Variants in ATXN10 observed in about 807,000 individuals in gnomAD.
The protein encoded by ATXN10 is ataxin 10, also known as ataxin-10.
ATXN10 carries 28 observed loss-of-function variants against 52.9 expected under a neutral mutation model. The ratio of observed to expected loss-of-function variants is 0.53; its 90% CI spans 0.39 to 0.73. The LOEUF (loss-of-function observed/expected upper bound fraction) is 0.73, where lower values mean the gene tolerates loss of function less well. Ranked by LOEUF, ATXN10 falls within the 30% of genes least tolerant of loss-of-function variation. The probability of loss-of-function intolerance (pLI) is 0.00; values close to 1 mark genes in which losing one functional copy is unlikely to be tolerated. For synonymous variants in ATXN10, 226 were observed against 221.5 expected (o/e 1.02, Z -0.18); for missense variants, 565 against 577.0 (o/e 0.98, Z 0.21).
chr22:45,689,627 A>G lies in ATXN10; in HGVS notation c.117-85A>G, dbSNP rs571182326. On this transcript the variant is annotated intron_variant, in intron 1 of 11. Coordinates refer to ENST00000252934, the MANE Select transcript of ATXN10 (RefSeq NM_013236.4). ...TAAACGTAGCGTACCTCCCCACAATAGTAGATAAAAGCAGTTTTCTGAATA... is the reference window on the plus strand; with the variant it reads ...TAAACGTAGCGTACCTCCCCACAATGGTAGATAAAAGCAGTTTTCTGAATA... The G allele has an allele frequency of 5.7e-5, 68 of 1,191,940 alleles. No homozygotes were observed. In the African/African-American group the frequency reaches 1.0e-3, roughly 18 times the overall value. 73.8% of individuals were successfully genotyped at this position (1,191,940 alleles called of 1,614,324 possible).
rs201467336 is a variant in ATXN10, at chr22:45,689,902, A to G, written c.307A>G (p.Arg103Gly). ...GTGTTCTGTGAACCAGAATTCAATC[A>G]GGTAGTTACACACGTACCTTGGATT... ...IECSVNQNSI[R>G]NLDTIGVAVD... is the part of the protein sequence containing the mutation. Residue 103 changes from arginine to glycine, a missense_variant and splice_region_variant, in exon 2 of 12, where the codon AGG becomes GGG. By Grantham distance (125) the Arg-to-Gly change is moderately radical. Coordinates refer to ENST00000252934, the MANE Select transcript of ATXN10 (RefSeq NM_013236.4). 145 of 1,613,856 alleles carry G rather than the reference A, an allele frequency of 9.0e-5. No individual in the cohort carries two copies. The highest frequency in any genetic ancestry group is 1.2e-5 in the Non-Finnish European group (14 of 1,179,858).
chr22:45,830,188 CCTTA>C (rs1370730967), intron 10 of ATXN10, among the ~76,000 whole-genome samples: 1 of 152,068 alleles, frequency 6.6e-6, no homozygotes, highest in East Asian at 1.9e-4. Flanking sequence ...GAAACTGAAC[CCTTA>C]CTTAACGTCA....
chr22:45,711,034 A>G (rs10483229), intron 5 of ATXN10, among the ~76,000 whole-genome samples: 13,149 of 152,190 alleles, frequency 0.086, 703 homozygotes, highest in Middle Eastern at 0.16. Flanking sequence ...TACATCAGCA[A>G]TCTATTCCTG....
chr22:45,745,801 G>A (rs995775326), intron 9 of ATXN10, among the ~76,000 whole-genome samples: 4 of 152,118 alleles, frequency 2.6e-5, no homozygotes, highest in Non-Finnish European at 5.9e-5. Context: ...AATGTTGAAT[G>A]TTTACTACAT....
intron 9 of ATXN10, among the ~76,000 whole-genome samples, chr22:45,764,287 C>A (rs1926507106): frequency 6.6e-6 from 1 of 151,884 alleles, no homozygotes. Flanking sequence ...AGGCCCAGAC[C>A]TCTCAGATTC....
intron 10 of ATXN10, among the ~76,000 whole-genome samples, chr22:45,830,883 G>A (rs1255361728): frequency 6.6e-6 from 1 of 152,180 alleles, no homozygotes; most frequent in Non-Finnish European, 1.5e-5. Flanking sequence ...AAAGAATTGA[G>A]AGTAGTGTCT....
intron 10 of ATXN10, among the ~76,000 whole-genome samples, chr22:45,834,368 C>T (rs1462542063): frequency 6.6e-6 from 1 of 152,190 alleles, no homozygotes; most frequent in Non-Finnish European, 1.5e-5. Context: ...TCCATTGACT[C>T]CCATTCATAA....
At position 45,766,062 on chromosome 22, in the gene ATXN10, A is replaced by G. The variant is rs900372408; in HGVS notation, c.1173+25524A>G. Among the ~76,000 whole-genome samples the G allele has an allele frequency of 6.6e-6, 1 of 152,230 alleles. No homozygotes were observed. The highest frequency in any genetic ancestry group is 2.1e-4 in the South Asian group (1 of 4,834). Reference sequence around the variant, plus strand: ...TGGGGCACAGTAGAAAAATGCAGAAATAGATTCAAATGTTTTTGGAAATGT... The same window carrying G: ...TGGGGCACAGTAGAAAAATGCAGAAGTAGATTCAAATGTTTTTGGAAATGT... On this transcript the variant is annotated intron_variant, in intron 9 of 11. Transcript: ENST00000252934. The surrounding 1 kb of genome is among the most constrained non-coding windows in gnomAD (Gnocchi z 4.6).
intron 9 of ATXN10, among the ~76,000 whole-genome samples, chr22:45,751,740 G>GAAAA (rs200364242): frequency 4.4e-5 from 2 of 45,496 alleles, no homozygotes; most frequent in South Asian, 6.4e-4. Flanking sequence ...CCTTTTTCTG[G>GAAAA]AAAAAAAAAA....
At chr22:45,707,485 G>A (rs1415687248) in intron 5 of ATXN10, among the ~76,000 whole-genome samples, 3 of 151,804 alleles carry the variant, frequency 2.0e-5, no homozygotes, top group East Asian at 3.8e-4. Context: ...TCAATCATTA[G>A]AGTCAACTTA....
chr22:45,830,101 A>G lies in ATXN10; in HGVS notation c.1238-12890A>G, dbSNP rs185834365. On this transcript the variant is annotated intron_variant, in intron 10 of 11. Coordinates refer to ENST00000252934, the MANE Select transcript of ATXN10 (RefSeq NM_013236.4). The stretch of plus-strand genomic sequence containing the variant: ...TCAAATGATTGCTGAAAAGGATGAC[A>G]ACACCATTCAGTGGAGAAAGCGCAG... Among the ~76,000 whole-genome samples the G allele has an allele frequency of 1.6e-4, 24 of 152,358 alleles. No individual in the cohort carries two copies. In the East Asian group the frequency reaches 2.9e-3, roughly 18 times the overall value.
At chr22:45,719,196 C>T (rs1426752517) in intron 6 of ATXN10, among the ~76,000 whole-genome samples, 1 of 151,882 alleles carries the variant, frequency 6.6e-6, no homozygotes, top group African/African-American at 2.4e-5. Flanking sequence ...GAAATGTTGC[C>T]TTAGGAAAAT....
chr22:45,752,312 A>G (rs1326161453), intron 9 of ATXN10, among the ~76,000 whole-genome samples: 2 of 152,200 alleles, frequency 1.3e-5, no homozygotes, highest in African/African-American at 4.8e-5. Flanking sequence ...AGAAACTATC[A>G]TCTCAGTATC....
intron 10 of ATXN10, among the ~76,000 whole-genome samples, chr22:45,808,776 G>T (rs1157548823): frequency 6.6e-6 from 1 of 152,206 alleles, no homozygotes; most frequent in Non-Finnish European, 1.5e-5. Context: ...CACATGCAGA[G>T]AACCACATAA....
At position 45,820,721 on chromosome 22, in the gene ATXN10, G is replaced by T. The variant is rs60382576; in HGVS notation, c.1237+13699G>T. 6.6e-6 allele frequency among the ~76,000 whole-genome samples: 1 copy of T among 152,318 alleles called. No individual in the cohort carries two copies. Among genetic ancestry groups the T allele is most frequent in the African/African-American group, 2.4e-5 (1 of 41,574 alleles). On this transcript the variant is annotated intron_variant, in intron 10 of 11. Coordinates refer to ENST00000252934, the MANE Select transcript of ATXN10 (RefSeq NM_013236.4). This position sits in a 1 kb window ranked among gnomAD's most constrained non-coding sequence, Gnocchi z 4.9. ...AGAAAAGATGTTGGACCCCGTGGCC[G>T]CAGGCATTGCCAGGGTGGTTTGCTT...
At chr22:45,748,813 T>A (rs1449299945) in intron 9 of ATXN10, among the ~76,000 whole-genome samples, 3 of 152,212 alleles carry the variant, frequency 2.0e-5, no homozygotes, top group Non-Finnish European at 4.4e-5. Context: ...TAAATCAAAC[T>A]GTCACCATTA....
At chr22:45,704,416 A>G (rs1053727630) in intron 5 of ATXN10, among the ~76,000 whole-genome samples, 9 of 151,872 alleles carry the variant, frequency 5.9e-5, no homozygotes, top group East Asian at 1.9e-4. Flanking sequence ...ATCCATGAAT[A>G]GAGGATATTC....
intron 9 of ATXN10, among the ~76,000 whole-genome samples, chr22:45,799,489 G>T (rs1306840399): frequency 2.6e-5 from 4 of 152,076 alleles, no homozygotes; most frequent in Non-Finnish European, 5.9e-5. Context: ...AGGGGAAATT[G>T]GGCACAGATG....
chr22:45,793,073 T>A (rs939366058), intron 9 of ATXN10: 5 of 244,118 alleles, frequency 2.0e-5, no homozygotes, highest in African/African-American at 4.5e-5. Context: ...TCACCAGGTT[T>A]GTCTACAGTT....
Sources: allele counts gnomAD v4.1 joint callset (sites outside exome capture counted in the v4.1 genomes callset), GRCh38; gene constraint gnomAD v4.1.1; non-coding constraint Gnocchi (gnomAD v3.1); transcripts MANE v1.5; gene names NCBI Gene and HGNC (gene_info 2026-07-23, HGNC 2026-07-21).